Variants in GSTCD observed in about 807,000 individuals in gnomAD.
The protein encoded by GSTCD is glutathione S-transferase C-terminal domain-containing protein.
A neutral mutation model predicts 68.3 loss-of-function variants in GSTCD; 44 were observed. That is an observed-to-expected ratio of 0.64 (90% CI 0.51 to 0.83). The LOEUF (loss-of-function observed/expected upper bound fraction) is 0.83. GSTCD is among the 40% of genes least tolerant of loss of function. The pLI, the probability that GSTCD is intolerant of heterozygous loss-of-function variation, is 0.00. For synonymous variants in GSTCD, 273 were observed against 255.2 expected, an observed-to-expected ratio of 1.07 and a Z score of -0.67; for missense variants, 739 against 735.9, an observed-to-expected ratio of 1.00 and a Z score of -0.05.
intron 7 of GSTCD, chr4:105,823,690 C>CAA (rs575003488): frequency 5.9e-5 from 6 of 101,836 alleles, no homozygotes; most frequent in South Asian, 3.0e-4. Context: ...TTTTTTAAAG[C>CAA]AAAAAAAAAA....
intron 5 of GSTCD, among the ~76,000 whole-genome samples, chr4:105,817,325 CT>C (rs1376077310): frequency 6.6e-6 from 1 of 151,668 alleles, no homozygotes; most frequent in Non-Finnish European, 1.5e-5. Context: ...ATAAATTAGC[CT>C]TTTTTAACAT....
chr4:105,764,106 A>T (rs1311659801), intron 5 of GSTCD, among the ~76,000 whole-genome samples: 4 of 152,178 alleles, frequency 2.6e-5, no homozygotes, highest in Non-Finnish European at 5.9e-5. Flanking sequence ...TCACATCAAA[A>T]GTTTAACAGT....
At chr4:105,720,195 C>T (rs570840965) in intron 3 of GSTCD, among the ~76,000 whole-genome samples, 6 of 152,314 alleles carry the variant, frequency 3.9e-5, no homozygotes, top group South Asian at 4.1e-4. Context: ...CACTCACACA[C>T]GCACACACGT....
chr4:105,792,522 A>T (rs1195795983), intron 5 of GSTCD, among the ~76,000 whole-genome samples: 1 of 152,052 alleles, frequency 6.6e-6, no homozygotes, highest in Non-Finnish European at 1.5e-5. Context: ...AGTCGTAGTC[A>T]ATACTTAAGA....
In GSTCD at chr4:105,829,787, T is replaced by C. The variant is rs116006437; in HGVS notation, c.1530+3987T>C. On this transcript the variant is annotated intron_variant, in intron 8 of 11. Transcript: ENST00000515279. The stretch of plus-strand genomic sequence containing the variant: ...ATAATCAAGGGTCTTAGGGAGAGAC[T>C]AAAGAAGATAATACATTAGTGAAAC... 8.9e-3 allele frequency among the ~76,000 whole-genome samples: 1,347 copies of C among 151,618 alleles called. 23 individuals carry two copies. The highest frequency in any genetic ancestry group is 0.03 in the African/African-American group (1,231 of 41,280).
intron 5 of GSTCD, among the ~76,000 whole-genome samples, chr4:105,741,603 C>A (rs1733632728): frequency 6.6e-6 from 1 of 152,140 alleles, no homozygotes; most frequent in African/African-American, 2.4e-5. Context: ...ATAATATTTT[C>A]ACTTATTAGT....
At chr4:105,748,267 A>G (rs985382506) in intron 5 of GSTCD, among the ~76,000 whole-genome samples, 1 of 152,108 alleles carries the variant, frequency 6.6e-6, no homozygotes, top group Admixed American at 6.5e-5. Context: ...GAAAAAGAAA[A>G]AAAAATACTA....
intron 1 of GSTCD, among the ~76,000 whole-genome samples, chr4:105,716,926 A>G (rs1029058764): frequency 3.3e-5 from 5 of 152,014 alleles, no homozygotes; most frequent in Non-Finnish European, 5.9e-5. Flanking sequence ...GGGTTTGGTT[A>G]TGGGGGTGTG....
chr4:105,787,798 A>G (rs1208867669), intron 5 of GSTCD, among the ~76,000 whole-genome samples: 2 of 152,056 alleles, frequency 1.3e-5, no homozygotes, highest in Non-Finnish European at 2.9e-5. Flanking sequence ...CTAGATTTAT[A>G]CTTTTGTTTG....
At chr4:105,840,799 C>T (rs545371789) in intron 10 of GSTCD, among the ~76,000 whole-genome samples, 42 of 152,294 alleles carry the variant, frequency 2.8e-4, no homozygotes, top group Non-Finnish European at 1.0e-4. Flanking sequence ...CAGGTCCTTA[C>T]CTCAGGCCGT....
intron 5 of GSTCD, among the ~76,000 whole-genome samples, chr4:105,796,534 C>A (rs1735895622): frequency 6.6e-6 from 1 of 152,204 alleles, no homozygotes; most frequent in African/African-American, 2.4e-5. Flanking sequence ...CCAAATACAA[C>A]ATTTGCCAGG....
chr4:105,810,741 T>C (rs753550998), intron 5 of GSTCD, among the ~76,000 whole-genome samples: 1 of 152,306 alleles, frequency 6.6e-6, no homozygotes, highest in Non-Finnish European at 1.5e-5. Context: ...ATCATTTTTG[T>C]AGCTCTCAAT....
intron 5 of GSTCD, among the ~76,000 whole-genome samples, chr4:105,750,202 G>A (rs1045361644): frequency 2.6e-5 from 4 of 152,256 alleles, no homozygotes; most frequent in African/African-American, 4.8e-5. Context: ...GGTGGCTCAC[G>A]CCTGTAATCC....
At chr4:105,821,891 A>C (rs1474512675) in intron 5 of GSTCD, among the ~76,000 whole-genome samples, 1 of 151,862 alleles carries the variant, frequency 6.6e-6, no homozygotes, top group Non-Finnish European at 1.5e-5. Context: ...TACATTTAAA[A>C]ATCTTTCCTA....
chr4:105,710,934 C>G (rs931401192), intron 1 of GSTCD: 3 of 152,116 alleles, frequency 2.0e-5, no homozygotes, highest in Non-Finnish European at 4.4e-5. Context: ...TAATTTTAAT[C>G]ACTGGCTTTT....
intron 5 of GSTCD, among the ~76,000 whole-genome samples, chr4:105,733,544 A>T (rs1336027962): frequency 1.3e-5 from 2 of 152,104 alleles, no homozygotes; most frequent in Non-Finnish European, 2.9e-5. Flanking sequence ...TGCTTGGTAG[A>T]TCTTCCTCCA....
At position 105,845,644 on chromosome 4, in the gene GSTCD, G is replaced by A; in HGVS notation, c.*67G>A. 1 of 1,545,222 alleles carries A rather than the reference G, an allele frequency of 6.5e-7. No individual in the cohort carries two copies. The highest frequency in any genetic ancestry group is 1.7e-5 in the Admixed American group (1 of 59,652). On this transcript the variant is annotated 3_prime_UTR_variant, in exon 12 of 12. Coordinates refer to ENST00000515279, the MANE Select transcript of GSTCD (RefSeq NM_001370181.1). ...GTTGGATGCCCAGTGGCATTCAGGA[G>A]GTTCTTGGCATAACTAGGAAACAGC...
intron 5 of GSTCD, among the ~76,000 whole-genome samples, chr4:105,760,167 C>CAA (rs34613169): frequency 3.2e-4 from 44 of 135,866 alleles, no homozygotes; most frequent in African/African-American, 1.2e-3. Context: ...AAAAAATAGG[C>CAA]AAAAAAAAAA....
At chr4:105,807,153 AG>A in intron 5 of GSTCD, 1 of 152,160 alleles carries the variant, frequency 6.6e-6, no homozygotes, top group Non-Finnish European at 1.5e-5. Flanking sequence ...GCCTTCATAT[AG>A]AATCACCAGT....
Sources: allele counts gnomAD v4.1 joint callset (sites outside exome capture counted in the v4.1 genomes callset), GRCh38; gene constraint gnomAD v4.1.1; transcripts MANE v1.5; gene names NCBI Gene and HGNC (gene_info 2026-07-23, HGNC 2026-07-21).